PRTG: variants seen among roughly 807,000 people sequenced by gnomAD.
PRTG encodes the protein immunoglobulin superfamily, DCC subclass, member 5.
A neutral mutation model predicts 122.5 loss-of-function variants in PRTG; 67 were observed. That is an observed-to-expected ratio of 0.55 (90% CI 0.45 to 0.67). PRTG has a LOEUF of 0.67. Ranked by LOEUF, PRTG falls within the 30% of genes least tolerant of loss-of-function variation. The pLI is 0.00. For missense variants in PRTG, 1,435 were observed against 1,415.4 expected, an observed-to-expected ratio of 1.01 and a Z score of -0.22; for synonymous variants, 554 against 501.1, an observed-to-expected ratio of 1.11 and a Z score of -1.41.
Position 55,616,489 on chromosome 15 carries a change from T to C in PRTG, c.*3523A>G, listed in dbSNP as rs562884683. 1.3e-5 allele frequency: 2 copies of C among 152,290 alleles called. No individual in the cohort carries two copies. The highest frequency in any genetic ancestry group is 2.4e-5 in the African/African-American group (1 of 41,582). The allele number at this position is 152,290 out of a possible 1,614,324, so 9.4% of individuals were successfully genotyped here. On this transcript the variant is annotated 3_prime_UTR_variant, in exon 20 of 20. Coordinates refer to ENST00000389286, the MANE Select transcript of PRTG (RefSeq NM_173814.6). Reference sequence around the variant, plus strand: ...TCTGCAACATAAAAGCTTGCTGATATTTCTGTTGACATTTCACACTCAAGG... The same window carrying C: ...TCTGCAACATAAAAGCTTGCTGATACTTCTGTTGACATTTCACACTCAAGG...
At chr15:55,702,359 C>A (rs185547509) in intron 2 of PRTG, among the ~76,000 whole-genome samples, 38 of 152,270 alleles carry the variant, frequency 2.5e-4, no homozygotes, top group African/African-American at 8.2e-4. Flanking sequence ...TTACTTTCTG[C>A]TCTCATCCAC....
At chr15:55,733,961 A>G (rs539527638) in intron 2 of PRTG, among the ~76,000 whole-genome samples, 2 of 152,358 alleles carry the variant, frequency 1.3e-5, no homozygotes, top group South Asian at 4.1e-4. Context: ...CAAATTGTCC[A>G]ACATCACTGG....
At chr15:55,736,525 C>A (rs986190821) in intron 2 of PRTG, among the ~76,000 whole-genome samples, 4 of 151,948 alleles carry the variant, frequency 2.6e-5, no homozygotes, top group Non-Finnish European at 4.4e-5. Flanking sequence ...CCCACATAAA[C>A]CCTCAAATTT....
intron 11 of PRTG, among the ~76,000 whole-genome samples, chr15:55,666,949 G>A (rs1437671668): frequency 6.6e-6 from 1 of 152,148 alleles, no homozygotes; most frequent in African/African-American, 2.4e-5. Flanking sequence ...CCAGGCAACA[G>A]ACAAGAAACT....
At chr15:55,683,761 C>T in intron 3 of PRTG, 26 bp downstream of exon 3, 3 of 1,598,388 alleles carry the variant, frequency 1.9e-6, no homozygotes, top group Non-Finnish European at 2.6e-6. Context: ...CCCATATCAT[C>T]TCCAAAGACA....
At position 55,614,332 on chromosome 15, in the gene PRTG, G is replaced by A. The variant is rs764915687; in HGVS notation, c.*5680C>T. 6.6e-6 allele frequency: 1 copy of A among 152,098 alleles called. No homozygotes were observed. The highest frequency in any genetic ancestry group is 6.6e-5 in the Admixed American group (1 of 15,254). 9.4% of individuals were successfully genotyped at this position (152,098 alleles called of 1,614,324 possible). A position where few individuals can be genotyped will look rare whatever the true frequency, so the allele number is the denominator to read the frequency against. ...AGGAGAGGCTCTTGCTGAGAAGGAT[G>A]GGGAATGTGAGGGTTAATAAAACTG... On this transcript the variant is annotated 3_prime_UTR_variant, in exon 20 of 20. Transcript: ENST00000389286.
rs140590217 is a variant in PRTG, at chr15:55,644,108, G to A, written c.2042-2900C>T. ...CCTACCTTGGCCTCACAAAGTGCTG[G>A]GATTACAGGTGTGAGCCAGCACGCC... On this transcript the variant is annotated intron_variant, in intron 11 of 19. Transcript: ENST00000389286. Among the ~76,000 whole-genome samples the A allele has an allele frequency of 1.7e-4, 26 of 152,234 alleles. No homozygotes were observed. In the East Asian group the frequency reaches 4.8e-3, roughly 28 times the overall value.
At chr15:55,719,548 A>G (rs1402167805) in intron 2 of PRTG, among the ~76,000 whole-genome samples, 1 of 152,264 alleles carries the variant, frequency 6.6e-6, no homozygotes, top group East Asian at 1.9e-4. Flanking sequence ...CAGATAAAAT[A>G]CAATGGCAAT....
rs1450211607 is a variant in PRTG at position 55,612,696 on chromosome 15, CAATATATATATA to C, written c.*7304_*7315del. On this transcript the variant is annotated 3_prime_UTR_variant, in exon 20 of 20. Coordinates refer to ENST00000389286, the MANE Select transcript of PRTG (RefSeq NM_173814.6). ...ATTCTCTCTTTAACTCTTTAAAAGC[CAATATATATATA>C]TATATATATATATATATATATATAT... The C allele has an allele frequency of 1.3e-4, 12 of 90,608 alleles. No homozygotes were observed. The highest frequency in any genetic ancestry group is 6.3e-4 in the African/African-American group (11 of 17,358). The allele number at this position is 90,608 out of a possible 1,614,324, so 5.6% of individuals were successfully genotyped here. A position where few individuals can be genotyped will look rare whatever the true frequency, so the allele number is the denominator to read the frequency against.
rs1187957676 is a variant in PRTG at position 55,616,615 on chromosome 15, T to G, written c.*3397A>C. On this transcript the variant is annotated 3_prime_UTR_variant, in exon 20 of 20. Transcript: ENST00000389286. ...CATGTTATTTGTATACAGACTGTGT[T>G]CCGAAGAGACATGTTTGGTTTAACA... 6.6e-6 allele frequency: 1 copy of G among 152,162 alleles called. No homozygotes were observed. Among genetic ancestry groups the G allele is most frequent in the Non-Finnish European group, 1.5e-5 (1 of 67,996 alleles). The allele number at this position is 152,162 out of a possible 1,614,324, so 9.4% of individuals were successfully genotyped here.
At chr15:55,728,181 A>G (rs565733938) in intron 2 of PRTG, among the ~76,000 whole-genome samples, 52 of 152,300 alleles carry the variant, frequency 3.4e-4, no homozygotes, top group African/African-American at 1.1e-3. Flanking sequence ...AAAAAATGTA[A>G]AAAAGAATTA....
chr15:55,691,840 C>T (rs1181023093), intron 2 of PRTG, among the ~76,000 whole-genome samples: 1 of 151,864 alleles, frequency 6.6e-6, no homozygotes, highest in Non-Finnish European at 1.5e-5. Context: ...AGTGACCAGC[C>T]TGGGAAATAG....
rs2059132375 is a variant in PRTG, at chr15:55,614,156, T to C, written c.*5856A>G. ...AATTGGGGTGGAATTAGACATTATG[T>C]TTTAAAGTTCAAAGAGGGCCAGACT... On this transcript the variant is annotated 3_prime_UTR_variant, in exon 20 of 20. Coordinates refer to ENST00000389286, the MANE Select transcript of PRTG (RefSeq NM_173814.6). 6.6e-6 allele frequency: 1 copy of C among 152,066 alleles called. No individual in the cohort carries two copies. The highest frequency in any genetic ancestry group is 2.1e-4 in the South Asian group (1 of 4,824). The allele number at this position is 152,066 out of a possible 1,614,324, so 9.4% of individuals were successfully genotyped here. A position where few individuals can be genotyped will look rare whatever the true frequency, so the allele number is the denominator to read the frequency against.
chr15:55,617,748 C>T lies in PRTG; in HGVS notation c.*2264G>A, dbSNP rs903086959. 6.6e-6 allele frequency: 1 copy of T among 152,108 alleles called. No homozygotes were observed. Among genetic ancestry groups the T allele is most frequent in the Non-Finnish European group, 1.5e-5 (1 of 68,014 alleles). The allele number at this position is 152,108 out of a possible 1,614,324, so 9.4% of individuals were successfully genotyped here. On this transcript the variant is annotated 3_prime_UTR_variant, in exon 20 of 20. Coordinates refer to ENST00000389286, the MANE Select transcript of PRTG (RefSeq NM_173814.6). The stretch of plus-strand genomic sequence containing the variant: ...GTCTTTTTAGCCATTTAAAACCACT[C>T]GAATTCATGTAGTCCTAGACACATC...
At chr15:55,697,873 G>A (rs141020369) in intron 2 of PRTG, among the ~76,000 whole-genome samples, 161 of 152,294 alleles carry the variant, frequency 1.1e-3, no homozygotes, top group African/African-American at 3.6e-3. Context: ...GTAAGGTAAT[G>A]CATGTAAAGT....
At chr15:55,737,260 G>A (rs1412940551) in intron 2 of PRTG, among the ~76,000 whole-genome samples, 1 of 152,196 alleles carries the variant, frequency 6.6e-6, no homozygotes, top group Non-Finnish European at 1.5e-5. Flanking sequence ...ACATGAAAAT[G>A]TAAGGCCGCT....
At chr15:55,689,331 T>C (rs2141825763) in intron 2 of PRTG, among the ~76,000 whole-genome samples, 1 of 152,264 alleles carries the variant, frequency 6.6e-6, no homozygotes, top group Non-Finnish European at 1.5e-5. Context: ...TTAAACTGCT[T>C]AGCCTAATTA....
At chr15:55,738,008 A>C (rs796110965) in intron 2 of PRTG, among the ~76,000 whole-genome samples, 12,999 of 93,108 alleles carry the variant, frequency 0.14, 943 homozygotes, top group Admixed American at 0.18. Context: ...CTCTCTATAT[A>C]TATATATATA....
chr15:55,742,632 A>C, intron 1 of PRTG: 1 of 585,498 alleles, frequency 1.7e-6, no homozygotes, highest in Non-Finnish European at 2.9e-6. Flanking sequence ...AGCCCTGCCC[A>C]AGCAGCGCAG....
Sources: allele counts gnomAD v4.1 joint callset (sites outside exome capture counted in the v4.1 genomes callset), GRCh38; gene constraint gnomAD v4.1.1; transcripts MANE v1.5; gene names NCBI Gene and HGNC (gene_info 2026-07-23, HGNC 2026-07-21).